MYO16: variants seen among roughly 807,000 people sequenced by gnomAD.
MYO16 encodes the protein unconventional myosin-XVI.
In MYO16, 94 loss-of-function variants were observed where a neutral mutation model predicts 205.3. That is an observed-to-expected ratio of 0.46 (90% CI 0.39 to 0.54). The LOEUF is 0.54. MYO16 is among the 20% of genes least tolerant of loss of function. The probability of loss-of-function intolerance (pLI) is 0.00; values close to 1 mark genes in which losing one functional copy is unlikely to be tolerated. For synonymous variants in MYO16, 988 were observed against 954.0 expected (o/e 1.04, Z -0.66); for missense variants, 2,315 against 2,387.5 (o/e 0.97, Z 0.63).
chr13:108,554,486 C>T, the MYO16 span, among the ~76,000 whole-genome samples: 1 of 152,154 alleles, frequency 6.6e-6, no homozygotes, highest in Non-Finnish European at 1.5e-5. Flanking sequence ...TCCACTTATG[C>T]ACAGAAGTTT....
chr13:108,627,557 GT>G (rs886328263), upstream of MYO16, among the ~76,000 whole-genome samples: 1 of 152,106 alleles, frequency 6.6e-6, no homozygotes. Flanking sequence ...GTTGCCAAAT[GT>G]TTATGGAATA....
chr13:109,040,385 C>CACACACACACAGAG (rs1394314811), intron 23 of MYO16, among the ~76,000 whole-genome samples: 1 of 113,216 alleles, frequency 8.8e-6, no homozygotes, highest in African/African-American at 3.2e-5. Context: ...CACACACACA[C>CACACACACACAGAG]AGAGAGAGAG....
chr13:109,025,151 C>T (rs1044806876), intron 23 of MYO16, among the ~76,000 whole-genome samples: 12 of 152,122 alleles, frequency 7.9e-5, no homozygotes, highest in South Asian at 4.1e-4. Flanking sequence ...TGCTCCTCCA[C>T]GATGGGATTA....
chr13:108,570,035 G>C, the MYO16 span, among the ~76,000 whole-genome samples: 1 of 151,882 alleles, frequency 6.6e-6, no homozygotes, highest in Non-Finnish European at 1.5e-5. Context: ...TCATATCCTT[G>C]TATTTTATTG....
At chr13:109,100,924 G>A (rs1372420634) in intron 28 of MYO16, 37 bp downstream of exon 28, 1 of 1,564,292 alleles carries the variant, frequency 6.4e-7, no homozygotes, top group South Asian at 1.1e-5. Flanking sequence ...AACATTTTAG[G>A]ATTTTAAATA....
At chr13:108,775,252 T>C (rs1281890781) in intron 4 of MYO16, among the ~76,000 whole-genome samples, 1 of 152,212 alleles carries the variant, frequency 6.6e-6, no homozygotes, top group Admixed American at 6.5e-5. Context: ...CTCTCAGTTT[T>C]TTTATTCACA....
At chr13:108,948,906 A>G (rs1179313060) in intron 16 of MYO16, among the ~76,000 whole-genome samples, 1 of 152,192 alleles carries the variant, frequency 6.6e-6, no homozygotes, top group Non-Finnish European at 1.5e-5. Flanking sequence ...CCTCACATAT[A>G]TACACAAATT....
chr13:109,025,146 C>T (rs1886323218), intron 23 of MYO16, among the ~76,000 whole-genome samples: 2 of 152,268 alleles, frequency 1.3e-5, no homozygotes, highest in African/African-American at 4.8e-5. Context: ...CCACTTGCTC[C>T]TCCACGATGG....
intron 2 of MYO16, among the ~76,000 whole-genome samples, chr13:108,675,627 C>T (rs2139455408): frequency 6.6e-6 from 1 of 152,256 alleles, no homozygotes; most frequent in Non-Finnish European, 1.5e-5. Context: ...TTGCTGTGGG[C>T]ATTCACTGGG....
chr13:108,885,864 GGCCA>G (rs1879845937), intron 13 of MYO16, among the ~76,000 whole-genome samples: 1 of 152,202 alleles, frequency 6.6e-6, no homozygotes, highest in Non-Finnish European at 1.5e-5. Context: ...GGCACACAGC[GGCCA>G]GCAAGTTTTC....
At chr13:108,995,941 G>A (rs988089522) in intron 21 of MYO16, among the ~76,000 whole-genome samples, 11 of 152,186 alleles carry the variant, frequency 7.2e-5, no homozygotes, top group Non-Finnish European at 1.5e-4. Context: ...AACAGGTGCT[G>A]GAGAGGATGT....
At chr13:108,684,858 G>A (rs1268946234) in intron 2 of MYO16, among the ~76,000 whole-genome samples, 4 of 152,144 alleles carry the variant, frequency 2.6e-5, no homozygotes, top group Non-Finnish European at 4.4e-5. Flanking sequence ...GAAGCTCCAT[G>A]CCTGGCCCCA....
In MYO16 at chr13:108,924,165, C is replaced by T. The variant is rs189129714; in HGVS notation, c.1925+14015C>T. Among the ~76,000 whole-genome samples the T allele has an allele frequency of 4.6e-5, 7 of 152,240 alleles. No homozygotes were observed. The East Asian group carries it at 1.4e-3, about 29-fold the overall frequency. On this transcript the variant is annotated intron_variant, in intron 16 of 34. Coordinates refer to ENST00000457511, the MANE Select transcript of MYO16 (RefSeq NM_001198950.3). ...ATTCATTTGAGTAGGATACTTGGCC[C>T]TATCATTTTGCCCAGCTGGACACAA...
chr13:108,606,105 G>A (rs556898535), intron 1 of MYO16, among the ~76,000 whole-genome samples: 1 of 152,218 alleles, frequency 6.6e-6, no homozygotes, highest in Non-Finnish European at 1.5e-5. Context: ...GAGAGAGATT[G>A]TCTGAAATTG....
chr13:108,910,097 G>T lies in MYO16; in HGVS notation c.1872G>T (p.Gly624=). ...NFLIFYLLMD[G]LSAEEKYGLH... is the part of the protein sequence containing the mutation. ...TCATTTTCTACTTGTTGATGGATGG[G>T]TTATCTGCTGAAGAAAAATATGGAC... is the stretch of plus-strand genomic sequence containing the variant. Residue 624 remains glycine (G), a synonymous_variant, in exon 16 of 35, where the codon GGG becomes GGT. Transcript: ENST00000457511. The T allele has an allele frequency of 3.1e-6, 5 of 1,613,402 alleles. No homozygotes were observed. Among genetic ancestry groups the T allele is most frequent in the Admixed American group, 1.7e-5 (1 of 60,008 alleles).
intron 3 of MYO16, among the ~76,000 whole-genome samples, chr13:108,717,705 C>T (rs377678603): frequency 6.6e-5 from 10 of 150,612 alleles, no homozygotes; most frequent in East Asian, 5.8e-4. Context: ...ATGCCCAAAG[C>T]GGGTTACAGA....
chr13:108,893,292 A>G (rs1443852432), intron 14 of MYO16, among the ~76,000 whole-genome samples: 1 of 152,246 alleles, frequency 6.6e-6, no homozygotes, highest in Non-Finnish European at 1.5e-5. Flanking sequence ...GAAATTAAGT[A>G]TATTTAAGAG....
intron 33 of MYO16, among the ~76,000 whole-genome samples, chr13:109,173,953 G>GGA (rs572991693): frequency 4.7e-5 from 7 of 147,628 alleles, no homozygotes; most frequent in African/African-American, 1.5e-4. Flanking sequence ...TTGATGGGGG[G>GGA]GGGTACTCTC....
At chr13:109,003,341 A>G (rs1220660276) in intron 21 of MYO16, among the ~76,000 whole-genome samples, 1 of 152,192 alleles carries the variant, frequency 6.6e-6, no homozygotes, top group African/African-American at 2.4e-5. Flanking sequence ...AACACAAAGA[A>G]CATGATGTTC....
Sources: gnomAD v4.1 joint callset for allele counts (sites outside exome capture counted in the v4.1 genomes callset) on GRCh38, gnomAD v4.1.1 for gene constraint, MANE v1.5 for transcripts, NCBI Gene and HGNC (gene_info 2026-07-23, HGNC 2026-07-21) for gene names.